The following SNIP1 variants were observed in gnomAD, a reference collection of about 807,000 sequenced individuals.
SNIP1 encodes Smad nuclear interacting protein 1.
Under a neutral mutation model 37.4 loss-of-function variants are expected in SNIP1, and 23 were observed. The observed-to-expected ratio is 0.61, with a 90% CI of 0.44 to 0.87. The LOEUF is 0.87. Among genes scored for constraint, SNIP1 ranks in the 40% least tolerant of loss-of-function variants. The pLI, the probability that SNIP1 is intolerant of heterozygous loss-of-function variation, is 0.00. For missense variants in SNIP1, 459 were observed against 540.4 expected (o/e 0.85, Z 1.49); for synonymous variants, 174 against 200.0 (o/e 0.87, Z 1.10).
chr1:37,552,830 T>C, intron 1 of SNIP1, 83 bp from the exon 2 acceptor site: 2 of 1,066,324 alleles, frequency 1.9e-6, no homozygotes, highest in Non-Finnish European at 2.9e-6. Flanking sequence ...GCTTACCTAC[T>C]AACACAAACA....
chr1:37,538,090 A>G, intron 3 of SNIP1, 78 bp from the exon 4 acceptor site: 1 of 1,470,182 alleles, frequency 6.8e-7, no homozygotes, highest in Non-Finnish European at 9.1e-7. Context: ...CTTTGCTAAG[A>G]TAGCCTAGAT....
chr1:37,540,562 G>C lies in SNIP1; in HGVS notation c.521C>G (p.Ala174Gly). 1 of 1,614,042 alleles carries C rather than the reference G, an allele frequency of 6.2e-7. No individual in the cohort carries two copies. Among genetic ancestry groups the C allele is most frequent in the Non-Finnish European group, 8.5e-7 (1 of 1,180,026 alleles). Residue 174 changes from alanine to glycine, a missense_variant, in exon 3 of 4, where the codon GCT becomes GGT. By Grantham distance (60) the Ala-to-Gly change is moderately conservative. Transcript: ENST00000296215. The surrounding 1 kb of genome is among the most constrained non-coding windows in gnomAD (Gnocchi z 5.6). ...GRDRDTQNLQ[A>G]QEEEREFYNA... is the part of the protein sequence containing the mutation. ...ATAAAACTCCCGCTCTTCTTCCTGA[G>C]CCTGCAGGTTCTGAGTGTCTCGATC... is the stretch of plus-strand genomic sequence containing the variant.
intron 3 of SNIP1, 150 bp from the exon 4 acceptor site, chr1:37,538,162 AG>A (rs1643121881): frequency 1.0e-6 from 1 of 976,748 alleles, no homozygotes; most frequent in East Asian, 2.7e-5. Flanking sequence ...AAAGAAATCA[AG>A]GGGAAAGCAT....
At position 37,537,696 on chromosome 1, in the gene SNIP1, CAA is replaced by C. The variant is rs1339508361; in HGVS notation, c.*50_*51del. On this transcript the variant is annotated 3_prime_UTR_variant, in exon 4 of 4. Coordinates refer to ENST00000296215, the MANE Select transcript of SNIP1 (RefSeq NM_024700.4). ...CCACCATAGTGCTCTCTGAGTCAATCAAAGACTTCCAAGAAGGAAACCGTGTA... is the reference window on the plus strand; with the variant it reads ...CCACCATAGTGCTCTCTGAGTCAATCAGACTTCCAAGAAGGAAACCGTGTA... The C allele has an allele frequency of 3.2e-6, 5 of 1,576,038 alleles. No individual in the cohort carries two copies. Among genetic ancestry groups the C allele is most frequent in the Non-Finnish European group, 4.3e-6 (5 of 1,160,994 alleles).
Position 37,553,996 on chromosome 1 carries a change from C to A in SNIP1, c.224+10G>T. 1 of 1,555,334 alleles carries A rather than the reference C, an allele frequency of 6.4e-7. No homozygotes were observed. ...ACCCAATGTCCATCCTGGACTGCTC[C>A]CCCACTTACCGGCTAACTCCTCGGG... On this transcript the variant is annotated intron_variant, in intron 1 of 3. Transcript: ENST00000296215.
intron 2 of SNIP1, among the ~76,000 whole-genome samples, chr1:37,549,181 A>G (rs1351893446): frequency 6.6e-6 from 1 of 152,124 alleles, no homozygotes; most frequent in Admixed American, 6.5e-5. Context: ...ATATTTCTAT[A>G]TAGTAACAAT....
chr1:37,545,219 C>A, intron 2 of SNIP1: 1 of 674,466 alleles, frequency 1.5e-6, no homozygotes, highest in Non-Finnish European at 2.8e-6. Flanking sequence ...CCAACTTGCG[C>A]AAGATGAGGG....
intron 3 of SNIP1, among the ~76,000 whole-genome samples, chr1:37,539,494 G>A (rs555425612): frequency 3.2e-4 from 48 of 152,254 alleles, no homozygotes; most frequent in African/African-American, 9.1e-4. Context: ...GGCGGATCAC[G>A]AGGTCAGGAG....
Position 37,540,078 on chromosome 1 carries a change from A to C in SNIP1, c.926+79T>G. On this transcript the variant is annotated intron_variant, in intron 3 of 3. Coordinates refer to ENST00000296215, the MANE Select transcript of SNIP1 (RefSeq NM_024700.4). This position sits in a 1 kb window ranked among gnomAD's most constrained non-coding sequence, Gnocchi z 5.6. ...AGGGGTATGGGATTCTTCTGCATAA[A>C]CATGAACAAAAATCTTAGTAATCCT... The C allele has an allele frequency of 7.7e-7, 1 of 1,302,658 alleles. No individual in the cohort carries two copies. The highest frequency in any genetic ancestry group is 1.1e-6 in the Non-Finnish European group (1 of 939,896). The allele number at this position is 1,302,658 out of a possible 1,614,324, so 80.7% of individuals were successfully genotyped here.
At position 37,540,164 on chromosome 1, in the gene SNIP1, G is replaced by C; in HGVS notation, c.919C>G (p.Gln307Glu). 3 of 1,579,680 alleles carry C rather than the reference G, an allele frequency of 1.9e-6. No individual in the cohort carries two copies. The highest frequency in any genetic ancestry group is 2.6e-6 in the Non-Finnish European group (3 of 1,157,120). ...PSCSKQHAVF[Q>E]YRLVEYTRAD... The stretch of plus-strand genomic sequence containing the variant: ...TTCCTCCATGTTACTTACCGATATT[G>C]AAAGACCGCATGCTGCTTTGAACAA... The change falls in exon 3 of 4, where the codon CAA (glutamine) becomes GAA (glutamate). Residue 307 changes from glutamine to glutamate, a missense_variant. Gln to Glu is a conservative substitution (Grantham distance 29). Transcript: ENST00000296215. The surrounding 1 kb of genome is among the most constrained non-coding windows in gnomAD (Gnocchi z 5.6).
At chr1:37,544,870 C>G in intron 2 of SNIP1, 1 of 959,468 alleles carries the variant, frequency 1.0e-6, no homozygotes, top group South Asian at 1.3e-5. Context: ...TGTCTTACTA[C>G]TTTGACCACA....
rs1379241568 is a variant in SNIP1, at chr1:37,535,695, A to G, written c.*2053T>C. 6.6e-6 allele frequency: 1 copy of G among 152,216 alleles called. No individual in the cohort carries two copies. The highest frequency in any genetic ancestry group is 1.5e-5 in the Non-Finnish European group (1 of 68,060). The allele number at this position is 152,216 out of a possible 1,614,324, so 9.4% of individuals were successfully genotyped here. A position where few individuals can be genotyped will look rare whatever the true frequency, so the allele number is the denominator to read the frequency against. On this transcript the variant is annotated 3_prime_UTR_variant, in exon 4 of 4. Transcript: ENST00000296215. ...AACCGTCAGTCTGGATCAAGAGAAA[A>G]GTTCATCCAAACAAACCTACTTTTC...
chr1:37,552,864 G>A (rs566503152), intron 1 of SNIP1, 117 bp from the exon 2 acceptor site: 9 of 824,342 alleles, frequency 1.1e-5, no homozygotes, highest in African/African-American at 1.7e-5. Context: ...GGTCTCTGCC[G>A]GTCACATTAA....
Position 37,552,792 on chromosome 1 carries a change from C to A in SNIP1, c.225-45G>T, listed in dbSNP as rs749260293. 3.9e-6 allele frequency: 6 copies of A among 1,530,264 alleles called. No individual in the cohort carries two copies. In the South Asian group the frequency reaches 6.7e-5, roughly 17 times the overall value. The allele number at this position is 1,530,264 out of a possible 1,614,324, so 94.8% of individuals were successfully genotyped here. A position where few individuals can be genotyped will look rare whatever the true frequency, so the allele number is the denominator to read the frequency against. On this transcript the variant is annotated intron_variant, in intron 1 of 3. Transcript: ENST00000296215. ...CAGGATTTTATCGCAATTTCCCTTC[C>A]CCCATAAAAATTAGCTTCCAGTATC...
At chr1:37,542,006 GTT>G (rs71053978) in intron 2 of SNIP1, among the ~76,000 whole-genome samples, 1 of 151,664 alleles carries the variant, frequency 6.6e-6, no homozygotes, top group Non-Finnish European at 1.5e-5. Context: ...GATTTGAAAA[GTT>G]TTTTTTTGTT....
Position 37,552,751 on chromosome 1 carries a change from T to G in SNIP1, c.225-4A>C. 1 of 1,611,674 alleles carries G rather than the reference T, an allele frequency of 6.2e-7. No individual in the cohort carries two copies. The highest frequency in any genetic ancestry group is 8.5e-7 in the Non-Finnish European group (1 of 1,177,782). On this transcript the variant is annotated splice_region_variant and splice_polypyrimidine_tract_variant and intron_variant, in intron 1 of 3. Transcript: ENST00000296215. Reference sequence around the variant, plus strand: ...GTTTTTCTTTTTGGGTGGGGACCTATTCAGAGCATGGTACACAGGATTTTA... The same window carrying G: ...GTTTTTCTTTTTGGGTGGGGACCTAGTCAGAGCATGGTACACAGGATTTTA...
At chr1:37,553,850 C>T (rs1368375541) in intron 1 of SNIP1, among the ~76,000 whole-genome samples, 156 bp downstream of exon 1, 1 of 152,226 alleles carries the variant, frequency 6.6e-6, no homozygotes, top group African/African-American at 2.4e-5. Flanking sequence ...ACAGAGCAAG[C>T]ATAACACAAG....
intron 2 of SNIP1, among the ~76,000 whole-genome samples, chr1:37,550,861 C>T (rs1303429513): frequency 1.3e-5 from 2 of 151,930 alleles, no homozygotes; most frequent in Non-Finnish European, 2.9e-5. Flanking sequence ...TTCGGGAGGC[C>T]GAGGCAGGCA....
At chr1:37,548,733 CAAAAAAAAAAGAAAAAA>C (rs1408047183) in intron 2 of SNIP1, 3 of 68,674 alleles carry the variant, frequency 4.4e-5, no homozygotes, top group African/African-American at 1.1e-4. Flanking sequence ...GACTCCGTCT[CAAAAAAAAAAGAAAAAA>C]AAAAAAAAAA....
Sources: gnomAD v4.1 joint callset for allele counts (sites outside exome capture counted in the v4.1 genomes callset) on GRCh38, gnomAD v4.1.1 for gene constraint, Gnocchi (gnomAD v3.1) non-coding constraint, MANE v1.5 for transcripts, NCBI Gene and HGNC (gene_info 2026-07-23, HGNC 2026-07-21) for gene names.